HIPK2: variants seen among roughly 807,000 people sequenced by gnomAD.
The protein encoded by HIPK2 is homeodomain interacting protein kinase 2, also known as homeodomain-interacting protein kinase 2.
HIPK2 carries 27 observed loss-of-function variants against 113.7 expected under a neutral mutation model. That is an observed-to-expected ratio of 0.24 (90% CI 0.17 to 0.33). HIPK2 has a LOEUF of 0.33. HIPK2 is among the 10% of genes least tolerant of loss of function. The pLI is 1.00. For synonymous variants in HIPK2, 631 were observed against 642.2 expected (o/e 0.98, Z 0.26); for missense variants, 1,257 against 1,588.0 (o/e 0.79, Z 3.54).
intron 2 of HIPK2, among the ~76,000 whole-genome samples, chr7:139,652,170 T>A (rs538176335): frequency 6.6e-6 from 1 of 152,334 alleles, no homozygotes; most frequent in African/African-American, 2.4e-5. Flanking sequence ...AATTCTGTAG[T>A]CCTTTGCACA....
At chr7:139,609,689 T>C (rs1799745545) in intron 9 of HIPK2, among the ~76,000 whole-genome samples, 2 of 152,218 alleles carry the variant, frequency 1.3e-5, no homozygotes, top group Non-Finnish European at 2.9e-5. Flanking sequence ...TTGAAGGGAA[T>C]GTTTAAAAAT....
rs894301440 is a variant in HIPK2, at chr7:139,714,848, G to A, written c.1103+1084C>T. 1.3e-5 allele frequency among the ~76,000 whole-genome samples: 2 copies of A among 152,148 alleles called. No individual in the cohort carries two copies. Among genetic ancestry groups the A allele is most frequent in the Non-Finnish European group, 2.9e-5 (2 of 68,022 alleles). ...TGCTTTCCATCCCTGCCGCCTCCCC[G>A]CTGTGCACCCGCCATGGCCAGCCAC... On this transcript the variant is annotated intron_variant, in intron 2 of 14. Transcript: ENST00000406875. The surrounding 1 kb of genome is among the most constrained non-coding windows in gnomAD (Gnocchi z 4.2).
intron 2 of HIPK2, among the ~76,000 whole-genome samples, chr7:139,635,980 A>G (rs553626148): frequency 1.3e-5 from 2 of 152,172 alleles, no homozygotes; most frequent in African/African-American, 2.4e-5. Context: ...CTCTGGAGAG[A>G]GTCATCTCCC....
intron 2 of HIPK2, among the ~76,000 whole-genome samples, chr7:139,662,587 G>A (rs1176921992): frequency 6.6e-6 from 1 of 150,956 alleles, no homozygotes; most frequent in Admixed American, 6.6e-5. Flanking sequence ...TCCTGTGTAC[G>A]ACTGCCAGGC....
chr7:139,632,341 G>A (rs1006784596), intron 2 of HIPK2, among the ~76,000 whole-genome samples: 2 of 152,202 alleles, frequency 1.3e-5, no homozygotes, highest in Admixed American at 6.5e-5. Context: ...TCAGGAAGAT[G>A]TAAAACAAGC....
At chr7:139,635,846 G>GCAGAA (rs1002088188) in intron 2 of HIPK2, among the ~76,000 whole-genome samples, 1 of 152,150 alleles carries the variant, frequency 6.6e-6, no homozygotes, top group African/African-American at 2.4e-5. Context: ...AGAAAACAAA[G>GCAGAA]CAGAACACAA....
chr7:139,584,130 T>C (rs1238893372), intron 12 of HIPK2, 66 bp from the exon 13 acceptor site: 5 of 1,530,692 alleles, frequency 3.3e-6, no homozygotes, highest in Admixed American at 2.0e-5. Flanking sequence ...CAACTAGCAC[T>C]TCATGCCCTG....
chr7:139,618,483 T>A (rs1361682435), intron 7 of HIPK2, among the ~76,000 whole-genome samples: 1 of 152,190 alleles, frequency 6.6e-6, no homozygotes, highest in Non-Finnish European at 1.5e-5. Flanking sequence ...TACCAGCTAC[T>A]CCTACTTCAC....
intron 1 of HIPK2, among the ~76,000 whole-genome samples, chr7:139,763,482 C>G (rs1034304127): frequency 3.7e-5 from 5 of 135,212 alleles, no homozygotes; most frequent in African/African-American, 1.5e-4. Context: ...GCCCCCCCCC[C>G]CACACGCCCC....
intron 2 of HIPK2, among the ~76,000 whole-genome samples, chr7:139,698,007 T>C (rs1794611001): frequency 6.6e-6 from 1 of 151,894 alleles, no homozygotes; most frequent in Non-Finnish European, 1.5e-5. Flanking sequence ...GGATTACAGG[T>C]GCACGCCACC....
chr7:139,767,332 C>A (rs1249462474), intron 1 of HIPK2, among the ~76,000 whole-genome samples: 1 of 152,194 alleles, frequency 6.6e-6, no homozygotes, highest in Non-Finnish European at 1.5e-5. Context: ...CACAAATACA[C>A]CCCAAAGAAG....
intron 1 of HIPK2, among the ~76,000 whole-genome samples, chr7:139,771,481 G>A (rs1294572623): frequency 6.6e-6 from 1 of 152,044 alleles, no homozygotes; most frequent in African/African-American, 2.4e-5. Context: ...AGCTACAGAT[G>A]AGTCACCAAT....
Position 139,573,309 on chromosome 7 carries a change from G to T in HIPK2, c.3215C>A (p.Ser1072Tyr). 6.2e-7 allele frequency: 1 copy of T among 1,605,298 alleles called. No individual in the cohort carries two copies. The change falls in exon 15 of 15, where the codon TCC (serine) becomes TAC (tyrosine). Residue 1072 changes from serine (S) to tyrosine (Y), a missense_variant. Physicochemically the swap from Ser to Tyr is moderately radical, Grantham distance 144. Transcript: ENST00000406875. ...GTGGCTGGGGCTGTTGTGCGGGAAG[G>T]AGTACGGAGCCTGGGCCATGGTGGG... ...ITPTMAQAPY[S>Y]FPHNSPSHGT...
At chr7:139,763,434 C>T (rs1317996473) in intron 1 of HIPK2, among the ~76,000 whole-genome samples, 1 of 151,726 alleles carries the variant, frequency 6.6e-6, no homozygotes, top group Non-Finnish European at 1.5e-5. Flanking sequence ...AAATTCAAAC[C>T]CAAGTCTGCT....
At chr7:139,581,188 C>T (rs1387831068) in intron 13 of HIPK2, among the ~76,000 whole-genome samples, 2 of 152,176 alleles carry the variant, frequency 1.3e-5, no homozygotes, top group African/African-American at 4.8e-5. Context: ...CCACTGCACT[C>T]CAGCCTGGGT....
At chr7:139,741,725 C>G (rs1304145924) in intron 1 of HIPK2, among the ~76,000 whole-genome samples, 1 of 151,204 alleles carries the variant, frequency 6.6e-6, no homozygotes, top group Admixed American at 6.6e-5. Context: ...CTCCTCCTGT[C>G]TCCTGTGCAT....
chr7:139,727,935 A>ATTTTTTTTTTTTT (rs10524758), intron 1 of HIPK2, among the ~76,000 whole-genome samples: 1 of 116,664 alleles, frequency 8.6e-6, no homozygotes, highest in African/African-American at 3.3e-5. Context: ...GCATTGGCTA[A>ATTTTTTTTTTTTT]TTTTTTTTTT....
At chr7:139,672,757 G>A (rs1169299543) in intron 2 of HIPK2, among the ~76,000 whole-genome samples, 1 of 152,160 alleles carries the variant, frequency 6.6e-6, no homozygotes, top group Non-Finnish European at 1.5e-5. Context: ...ACCGCGCCTG[G>A]CCACAAGTAA....
chr7:139,708,722 A>T (rs758550013), intron 2 of HIPK2, among the ~76,000 whole-genome samples: 16 of 152,146 alleles, frequency 1.1e-4, no homozygotes, highest in Non-Finnish European at 2.2e-4. Flanking sequence ...GTGCCCTTGC[A>T]TGTCCAAGCA....
Sources: gnomAD v4.1 joint callset for allele counts (sites outside exome capture counted in the v4.1 genomes callset) on GRCh38, gnomAD v4.1.1 for gene constraint, Gnocchi (gnomAD v3.1) non-coding constraint, MANE v1.5 for transcripts, NCBI Gene and HGNC (gene_info 2026-07-23, HGNC 2026-07-21) for gene names.